FOXO1: variants seen among roughly 807,000 people sequenced by gnomAD.
FOXO1 encodes forkhead box O1, also known as forkhead box protein O1.
FOXO1 carries 6 observed loss-of-function variants against 44.1 expected under a neutral mutation model. The observed-to-expected ratio is 0.14, with a 90% confidence interval of 0.07 to 0.27. The LOEUF is 0.27. Ranked by LOEUF, FOXO1 falls within the 10% of genes least tolerant of loss-of-function variation. The pLI, the probability that FOXO1 is intolerant of heterozygous loss-of-function variation, is 1.00. For missense variants in FOXO1, 737 were observed against 888.8 expected (o/e 0.83, Z 2.17); for synonymous variants, 380 against 362.7 (o/e 1.05, Z -0.54).
At chr13:40,581,403 TATC>T (rs1488766049) in intron 1 of FOXO1, among the ~76,000 whole-genome samples, 1 of 152,242 alleles carries the variant, frequency 6.6e-6, no homozygotes, top group African/African-American at 2.4e-5. Flanking sequence ...GTCATCCTTT[TATC>T]ATCAACAGAA....
intron 1 of FOXO1, among the ~76,000 whole-genome samples, chr13:40,665,285 C>T (rs1878190768): frequency 6.6e-6 from 1 of 152,290 alleles, no homozygotes; most frequent in Non-Finnish European, 1.5e-5. Flanking sequence ...TTTCTCCTTT[C>T]ACTGGCAAAC....
intron 1 of FOXO1, among the ~76,000 whole-genome samples, chr13:40,609,736 A>G (rs1876162084): frequency 6.6e-6 from 1 of 152,202 alleles, no homozygotes; most frequent in Non-Finnish European, 1.5e-5. Flanking sequence ...CTCAAGGCCC[A>G]GGATTTTAAC....
At chr13:40,592,059 A>G (rs1156804074) in intron 1 of FOXO1, among the ~76,000 whole-genome samples, 2 of 152,224 alleles carry the variant, frequency 1.3e-5, no homozygotes, top group Non-Finnish European at 2.9e-5. Context: ...GAGCTCTGCC[A>G]GTAGATTAAA....
intron 1 of FOXO1, among the ~76,000 whole-genome samples, chr13:40,590,462 G>A (rs1007410371): frequency 6.6e-6 from 1 of 152,202 alleles, no homozygotes; most frequent in Non-Finnish European, 1.5e-5. Context: ...CCCCTCTTGC[G>A]GAGTTACAGA....
chr13:40,642,269 G>A (rs1203371640), intron 1 of FOXO1, among the ~76,000 whole-genome samples: 1 of 152,102 alleles, frequency 6.6e-6, no homozygotes, highest in Non-Finnish European at 1.5e-5. Flanking sequence ...TTCTTAAGAA[G>A]TGCTAGGATA....
intron 1 of FOXO1, among the ~76,000 whole-genome samples, chr13:40,657,617 A>C (rs2137940999): frequency 6.6e-6 from 1 of 152,144 alleles, no homozygotes; most frequent in East Asian, 1.9e-4. Context: ...TACAGGCATG[A>C]CCCACTGTGC....
At chr13:40,559,434 C>A in intron 2 of FOXO1, 75 bp downstream of exon 2, 1 of 1,350,284 alleles carries the variant, frequency 7.4e-7, no homozygotes, top group Non-Finnish European at 1.0e-6. Flanking sequence ...GATGTGCTAA[C>A]CATGGCAAGT....
intron 1 of FOXO1, among the ~76,000 whole-genome samples, chr13:40,659,325 A>AG (rs1473107604): frequency 2.5e-4 from 38 of 151,246 alleles, no homozygotes; most frequent in Admixed American, 5.9e-4. Flanking sequence ...AAAAAAAAAA[A>AG]AAAAAAGAAA....
chr13:40,562,183 C>T (rs1373100059), intron 1 of FOXO1, among the ~76,000 whole-genome samples: 1 of 152,136 alleles, frequency 6.6e-6, no homozygotes, highest in Non-Finnish European at 1.5e-5. Context: ...GTAGTATGAG[C>T]AGGATGCACC....
At position 40,665,920 on chromosome 13, in the gene FOXO1, G is replaced by A. The variant is rs1334866177; in HGVS notation, c.293C>T (p.Ala98Val). 2.4e-5 allele frequency: 29 copies of A among 1,198,774 alleles called. No homozygotes were observed. Among genetic ancestry groups the A allele is most frequent in the African/African-American group, 6.4e-5 (4 of 62,498 alleles). 74.3% of individuals were successfully genotyped at this position (1,198,774 alleles called of 1,614,324 possible). A position where few individuals can be genotyped will look rare whatever the true frequency, so the allele number is the denominator to read the frequency against. Residue 98 changes from alanine (A) to valine (V), a missense_variant, in exon 1 of 3, where the codon GCC becomes GTC. Transcript: ENST00000379561. Reference protein sequence around the residue: ...GSVAAAVAAAAAAAATGGLCG... With the variant: ...GSVAAAVAAAVAAAATGGLCG... ...CAGCCCCCCGGTGGCGGCCGCGGCG[G>A]CCGCCGCCGCCACCGCCGCCGCCAC...
Position 40,584,469 on chromosome 13 carries a change from C to CAAAAAAAAAAAAAAA in FOXO1, c.631-23624_631-23610dup, listed in dbSNP as rs55733141. 1.4e-3 allele frequency among the ~76,000 whole-genome samples: 91 copies of CAAAAAAAAAAAAAAA among 63,102 alleles called. 9 individuals are homozygous for CAAAAAAAAAAAAAAA. Among genetic ancestry groups the CAAAAAAAAAAAAAAA allele is most frequent in the Non-Finnish European group, 2.0e-3 (77 of 37,874 alleles). The allele number at this position is 63,102 out of a possible 152,430, so 41.4% of individuals were successfully genotyped here. On this transcript the variant is annotated intron_variant, in intron 1 of 2. Transcript: ENST00000379561. ...AGAAATTCTATCTCCACAAAAAATG[C>CAAAAAAAAAAAAAAA]AAAAAAAAAAAAAAAAAAAAAAAAA...
chr13:40,659,884 T>C (rs1290327545), intron 1 of FOXO1, among the ~76,000 whole-genome samples: 3 of 152,310 alleles, frequency 2.0e-5, no homozygotes, highest in Admixed American at 2.0e-4. Flanking sequence ...GTGTTTTTCA[T>C]GTTTCCTATG....
At position 40,636,212 on chromosome 13, in the gene FOXO1, C is replaced by A. The variant is rs561307714; in HGVS notation, c.630+29371G>T. On this transcript the variant is annotated intron_variant, in intron 1 of 2. Coordinates refer to ENST00000379561, the MANE Select transcript of FOXO1 (RefSeq NM_002015.4). The stretch of plus-strand genomic sequence containing the variant: ...CCTGGGCCACAGAGCGAGATTCCAT[C>A]AAAAAAAAAACAAAAAACAAAAAAC... Among the ~76,000 whole-genome samples the A allele has an allele frequency of 1.1e-3, 158 of 143,964 alleles. 2 individuals carry two copies. The highest frequency in any genetic ancestry group is 4.0e-3 in the African/African-American group (155 of 39,224). The allele number at this position is 143,964 out of a possible 152,430, so 94.4% of individuals were successfully genotyped here.
At chr13:40,587,290 G>T (rs1875203845) in intron 1 of FOXO1, among the ~76,000 whole-genome samples, 1 of 151,358 alleles carries the variant, frequency 6.6e-6, no homozygotes, top group African/African-American at 2.4e-5. Flanking sequence ...AAAAAAGTGG[G>T]AGTGGGCAGG....
At chr13:40,640,530 G>T (rs1877312689) in intron 1 of FOXO1, among the ~76,000 whole-genome samples, 1 of 152,236 alleles carries the variant, frequency 6.6e-6, no homozygotes, top group East Asian at 1.9e-4. Flanking sequence ...CAGGACCTCA[G>T]TCTGGAGCAG....
At chr13:40,569,461 C>G (rs73463275) in intron 1 of FOXO1, among the ~76,000 whole-genome samples, 1 of 152,324 alleles carries the variant, frequency 6.6e-6, no homozygotes, top group South Asian at 2.1e-4. Flanking sequence ...TGAAAGAATA[C>G]ATAAACAACA....
At chr13:40,607,486 T>C (rs1340666790) in intron 1 of FOXO1, among the ~76,000 whole-genome samples, 1 of 136,544 alleles carries the variant, frequency 7.3e-6, no homozygotes, top group East Asian at 2.1e-4. Context: ...CATTTGTTCC[T>C]AGAGTGCTTT....
chr13:40,559,810 G>T lies in FOXO1; in HGVS notation c.1681C>A (p.Pro561Thr). ...GMNRLTQVKT[P>T]VQVPLPHPMQ... Reference sequence around the variant, plus strand: ...GGGTGGGGCAGAGGCACTTGTACAGGTGTCTTCACTTGGGTCAGGCGGTTC... The same window carrying T: ...GGGTGGGGCAGAGGCACTTGTACAGTTGTCTTCACTTGGGTCAGGCGGTTC... Residue 561 changes from proline (P) to threonine (T), a missense_variant, in exon 2 of 3, where the codon CCT (proline) becomes ACT (threonine). Around this residue, in one of 7 missense-constraint regions of FOXO1, gnomAD observed 283 missense variants for 278.1 expected, o/e 1.02. Transcript: ENST00000379561. The T allele has an allele frequency of 1.2e-6, 2 of 1,614,060 alleles. No individual in the cohort carries two copies. Among genetic ancestry groups the T allele is most frequent in the Non-Finnish European group, 1.7e-6 (2 of 1,179,988 alleles).
chr13:40,585,266 A>G (rs963569987), intron 1 of FOXO1, among the ~76,000 whole-genome samples: 1 of 152,054 alleles, frequency 6.6e-6, no homozygotes, highest in Non-Finnish European at 1.5e-5. Flanking sequence ...AAGGAATGTC[A>G]ACCTCACCTT....
Sources: gnomAD v4.1 joint callset for allele counts (sites outside exome capture counted in the v4.1 genomes callset) on GRCh38, gnomAD v4.1.1 for gene constraint, gnomAD v4.1.1 regional missense constraint, MANE v1.5 for transcripts, NCBI Gene and HGNC (gene_info 2026-07-23, HGNC 2026-07-21) for gene names.